Variants in ACCSL observed in about 807,000 individuals in gnomAD.
The protein encoded by ACCSL is probable inactive 1-aminocyclopropane-1-carboxylate synthase-like protein 2.
Under a neutral mutation model 61.7 loss-of-function variants are expected in ACCSL, and 55 were observed. The ratio of observed to expected loss-of-function variants is 0.89; its 90% CI spans 0.72 to 1.12. The LOEUF (loss-of-function observed/expected upper bound fraction) is 1.12, where lower values mean the gene tolerates loss of function less well. Ranked by LOEUF, ACCSL falls within the 50% of genes most tolerant of loss-of-function variation. The probability of loss-of-function intolerance (pLI) is 0.00; values close to 1 mark genes in which losing one functional copy is unlikely to be tolerated. For missense variants in ACCSL, 632 were observed against 698.0 expected (o/e 0.91, Z 1.07); for synonymous variants, 258 against 264.3 (o/e 0.98, Z 0.23).
intron 11 of ACCSL, among the ~76,000 whole-genome samples, chr11:44,057,999 C>G (rs561694960): frequency 2.8e-4 from 43 of 152,196 alleles, no homozygotes; most frequent in African/African-American, 9.9e-4. Context: ...ATGGTGAAAC[C>G]CCATCTCTAC....
chr11:43,943,171 C>T, the ACCSL span: 4 of 1,505,726 alleles, frequency 2.7e-6, no homozygotes, highest in Non-Finnish European at 3.5e-6. The surrounding 1 kb of genome is among the most constrained non-coding windows in gnomAD (Gnocchi z 4.8). Flanking sequence ...GCCTGGAGTG[C>T]CTGCGCCGCA....
chr11:43,953,543 A>T, the ACCSL span, among the ~76,000 whole-genome samples: 25 of 147,158 alleles, frequency 1.7e-4, no homozygotes, highest in African/African-American at 6.2e-4. Context: ...AAAAAAAAGG[A>T]TGAGGTAAAA....
chr11:44,036,827 C>T, the ACCSL span, among the ~76,000 whole-genome samples: 2 of 151,546 alleles, frequency 1.3e-5, no homozygotes, highest in Non-Finnish European at 2.9e-5. Flanking sequence ...CATGGACGGG[C>T]CAGGGTCTTG....
the ACCSL span, chr11:43,933,205 C>G: frequency 2.2e-6 from 1 of 455,884 alleles, no homozygotes; most frequent in Non-Finnish European, 4.4e-6. Context: ...TTGGTAGGAG[C>G]AGCGAAACTT....
At chr11:43,940,947 T>C in the ACCSL span, among the ~76,000 whole-genome samples, 1 of 152,186 alleles carries the variant, frequency 6.6e-6, no homozygotes, top group Non-Finnish European at 1.5e-5. Flanking sequence ...CTCTTGCTAC[T>C]TCCTGCTGTG....
At chr11:43,962,314 T>G in the ACCSL span, among the ~76,000 whole-genome samples, 9 of 152,252 alleles carry the variant, frequency 5.9e-5, no homozygotes, top group Non-Finnish European at 1.0e-4. Flanking sequence ...AGGGAGATCT[T>G]GTACCTTCCA....
the ACCSL span, among the ~76,000 whole-genome samples, chr11:43,958,513 T>C: frequency 6.8e-3 from 1,040 of 152,368 alleles, 8 homozygotes; most frequent in African/African-American, 0.024. Context: ...GATAAAACTC[T>C]GGTCTCCTGC....
At chr11:43,932,387 C>G in the ACCSL span, among the ~76,000 whole-genome samples, 370 of 152,306 alleles carry the variant, frequency 2.4e-3, 2 homozygotes, top group African/African-American at 8.2e-3. Flanking sequence ...CCTACCCTAG[C>G]CCCCCGAGCA....
At chr11:44,030,136 G>A in the ACCSL span, among the ~76,000 whole-genome samples, 3 of 127,454 alleles carry the variant, frequency 2.4e-5, no homozygotes, top group African/African-American at 9.1e-5. Context: ...GTGGTGACCT[G>A]CCTCTCTCTT....
At chr11:43,925,358 C>T in the ACCSL span, 1 of 456,178 alleles carries the variant, frequency 2.2e-6, no homozygotes, top group Non-Finnish European at 4.4e-6. Context: ...AACAAGCAGC[C>T]CCAGAAGGTC....
chr11:44,001,777 G>C, the ACCSL span, among the ~76,000 whole-genome samples: 140 of 8,244 alleles, frequency 0.017, no homozygotes, highest in African/African-American at 0.04. Context: ...TAAAGGGGCT[G>C]TGTGTGTGTG....
chr11:44,020,880 T>C, the ACCSL span, among the ~76,000 whole-genome samples: 3 of 152,188 alleles, frequency 2.0e-5, no homozygotes, highest in African/African-American at 7.2e-5. Context: ...CATATAATGT[T>C]TGGTTTCTCA....
At chr11:43,943,205 C>T in the ACCSL span, 2 of 1,516,802 alleles carry the variant, frequency 1.3e-6, no homozygotes, top group African/African-American at 1.4e-5. This position sits in a 1 kb window ranked among gnomAD's most constrained non-coding sequence, Gnocchi z 4.8. Flanking sequence ...GTCGCTGCAG[C>T]GGGAGCAGCT....
At chr11:44,015,756 C>A in the ACCSL span, among the ~76,000 whole-genome samples, 3 of 152,206 alleles carry the variant, frequency 2.0e-5, no homozygotes, top group Non-Finnish European at 4.4e-5. Context: ...TGGGCTGCGT[C>A]ATCAGATAGA....
At chr11:43,961,043 A>T in the ACCSL span, among the ~76,000 whole-genome samples, 1 of 151,124 alleles carries the variant, frequency 6.6e-6, no homozygotes, top group East Asian at 2.0e-4. Context: ...CCAGTCTCGA[A>T]CTCCTGACTT....
the ACCSL span, among the ~76,000 whole-genome samples, chr11:43,946,670 A>C: frequency 1.3e-5 from 2 of 152,304 alleles, no homozygotes; most frequent in African/African-American, 4.8e-5. Flanking sequence ...AATTCTATTG[A>C]ATAGATACTC....
At chr11:44,029,140 A>T in the ACCSL span, among the ~76,000 whole-genome samples, 1 of 152,182 alleles carries the variant, frequency 6.6e-6, no homozygotes, top group Non-Finnish European at 1.5e-5. Flanking sequence ...GGATCCTTCT[A>T]TGTGCTAAAT....
chr11:43,984,336 C>T, the ACCSL span, among the ~76,000 whole-genome samples: 2 of 152,162 alleles, frequency 1.3e-5, no homozygotes, highest in African/African-American at 4.8e-5. Context: ...AAATCTCTCC[C>T]TCACCTTTCT....
the ACCSL span, among the ~76,000 whole-genome samples, chr11:43,952,782 G>A: frequency 6.6e-6 from 1 of 152,290 alleles, no homozygotes; most frequent in Non-Finnish European, 1.5e-5. Context: ...GAGGGGTTTT[G>A]TTTGCGGCCT....
Sources: allele counts gnomAD v4.1 joint callset (sites outside exome capture counted in the v4.1 genomes callset), GRCh38; gene constraint gnomAD v4.1.1; non-coding constraint Gnocchi (gnomAD v3.1); transcripts MANE v1.5; gene names NCBI Gene and HGNC (gene_info 2026-07-23, HGNC 2026-07-21).